The following ZDHHC11 variants were observed in gnomAD, a reference collection of about 807,000 sequenced individuals.
The protein encoded by ZDHHC11 is zDHHC palmitoyltransferase 11, also known as palmitoyltransferase ZDHHC11.
ZDHHC11 carries 44 observed loss-of-function variants against 51.3 expected under a neutral mutation model. The ratio of observed to expected loss-of-function variants is 0.86; its 90% CI spans 0.67 to 1.10. The LOEUF (loss-of-function observed/expected upper bound fraction) is 1.10, where lower values mean the gene tolerates loss of function less well. ZDHHC11 is among the 50% of genes least tolerant of loss of function. The probability of loss-of-function intolerance (pLI) is 0.00; values close to 1 mark genes in which losing one functional copy is unlikely to be tolerated. For missense variants in ZDHHC11, 400 were observed against 537.7 expected (o/e 0.74, Z 2.53); for synonymous variants, 163 against 222.0 (o/e 0.73, Z 2.36).
chr5:817,587 G>C (rs1330679420), intron 10 of ZDHHC11, among the ~76,000 whole-genome samples: 1 of 151,102 alleles, frequency 6.6e-6, no homozygotes, highest in South Asian at 2.1e-4. Flanking sequence ...TGTATATTTA[G>C]TATTAAAAAA....
chr5:815,218 A>T lies in ZDHHC11; in HGVS notation c.1147-423T>A, dbSNP rs141988090. Among the ~76,000 whole-genome samples, 604 of 151,640 alleles carry T rather than the reference A, an allele frequency of 4.0e-3. 15 individuals carry two copies. The highest frequency in any genetic ancestry group is 0.014 in the African/African-American group (590 of 41,398). Reference sequence around the variant, plus strand: ...ACAGGTGGCCATCTACAAGGCAAGGAGAGAGGCCTTGGGAGACACCAACCC... The same window carrying T: ...ACAGGTGGCCATCTACAAGGCAAGGTGAGAGGCCTTGGGAGACACCAACCC... On this transcript the variant is annotated intron_variant, in intron 10 of 12. Coordinates refer to ENST00000283441, the MANE Select transcript of ZDHHC11 (RefSeq NM_024786.3).
intron 3 of ZDHHC11, among the ~76,000 whole-genome samples, chr5:844,674 T>C (rs1358271367): frequency 1.4e-4 from 22 of 152,284 alleles, no homozygotes; most frequent in African/African-American, 5.1e-4. Context: ...GGGACCTGGA[T>C]CTCTGCACCC....
rs1747023135 is a variant in ZDHHC11, at chr5:850,490, A to G, written c.113T>C (p.Leu38Pro). The change falls in exon 1 of 13, where the codon CTG becomes CCG. Residue 38 changes from leucine to proline, a missense_variant. By Grantham distance (98) the Leu-to-Pro change is moderately conservative. Coordinates refer to ENST00000283441, the MANE Select transcript of ZDHHC11 (RefSeq NM_024786.3). ...ISRVNGWSLP[L>P]HYFQVVTWAV... is the part of the protein sequence containing the mutation. ...CCAGGTCACCACCTGGAAGTAGTGCAGGGGTAACGACCAGCCGTTCACTCT... is the reference window on the plus strand; with the variant it reads ...CCAGGTCACCACCTGGAAGTAGTGCGGGGGTAACGACCAGCCGTTCACTCT... 6.2e-7 allele frequency: 1 copy of G among 1,613,710 alleles called. No individual in the cohort carries two copies. The highest frequency in any genetic ancestry group is 2.2e-5 in the East Asian group (1 of 44,888).
Position 833,889 on chromosome 5 carries a change from T to C in ZDHHC11, c.901-82A>G. Reference sequence around the variant, plus strand: ...ATTCTTACATAAAAGTGACGTCTATTATTCCTGGGTTTTGAGGAATGGTAC... The same window carrying C: ...ATTCTTACATAAAAGTGACGTCTATCATTCCTGGGTTTTGAGGAATGGTAC... On this transcript the variant is annotated intron_variant, in intron 6 of 12. Coordinates refer to ENST00000283441, the MANE Select transcript of ZDHHC11 (RefSeq NM_024786.3). 3 of 1,560,320 alleles carry C rather than the reference T, an allele frequency of 1.9e-6. No individual in the cohort carries two copies. In the South Asian group the frequency reaches 3.4e-5, roughly 18 times the overall value.
chr5:823,282 A>G (rs1741800697), intron 8 of ZDHHC11: 1 of 149,816 alleles, frequency 6.7e-6, no homozygotes, highest in Non-Finnish European at 1.5e-5. Flanking sequence ...TGGATTGTGC[A>G]CTGCTTTCTA....
At chr5:818,655 TCCAAACCA>T (rs1430659835) in intron 10 of ZDHHC11, among the ~76,000 whole-genome samples, 1 of 151,486 alleles carries the variant, frequency 6.6e-6, no homozygotes, top group Non-Finnish European at 1.5e-5. Flanking sequence ...GACCAGAAGT[TCCAAACCA>T]GCACGGGCAA....
At chr5:816,436 C>G (rs1243521061) in intron 10 of ZDHHC11, 1 of 453,894 alleles carries the variant, frequency 2.2e-6, no homozygotes, top group Non-Finnish European at 4.4e-6. Flanking sequence ...CAGGCAGTGG[C>G]CGTAGCGGCA....
rs1010982626 is a variant in ZDHHC11 at position 828,346 on chromosome 5, G to T, written c.936-3095C>A. Among the ~76,000 whole-genome samples, 12 of 150,878 alleles carry T rather than the reference G, an allele frequency of 8.0e-5. 1 individual carries two copies. Among genetic ancestry groups the T allele is most frequent in the African/African-American group, 2.7e-4 (11 of 40,916 alleles). On this transcript the variant is annotated intron_variant, in intron 7 of 12. Coordinates refer to ENST00000283441, the MANE Select transcript of ZDHHC11 (RefSeq NM_024786.3). ...AGGCACCCCCCACCTCCCAGATGCG[G>T]CAGCTGGCCGGGTGGAGGTGCCCCC...
In ZDHHC11 at chr5:850,269, G is replaced by A. The variant is rs1434355835; in HGVS notation, c.222+112C>T. On this transcript the variant is annotated intron_variant, in intron 1 of 12. Transcript: ENST00000283441. Reference sequence around the variant, plus strand: ...GCTCAGGGGACATAGTCTGGCCCAGGGCAGGTGACTGGTGCCACCGGGCAG... The same window carrying A: ...GCTCAGGGGACATAGTCTGGCCCAGAGCAGGTGACTGGTGCCACCGGGCAG... The A allele has an allele frequency of 1.4e-5, 17 of 1,237,772 alleles. 1 individual carries two copies. In the East Asian group the frequency reaches 3.6e-4, roughly 26 times the overall value. The allele number at this position is 1,237,772 out of a possible 1,614,324, so 76.7% of individuals were successfully genotyped here.
rs746998444 is a variant in ZDHHC11, at chr5:814,797, T to G, written c.1147-2A>C. 2 of 1,536,754 alleles carry G rather than the reference T, an allele frequency of 1.3e-6. No homozygotes were observed. Among genetic ancestry groups the G allele is most frequent in the Non-Finnish European group, 1.8e-6 (2 of 1,141,892 alleles). ...TATACTCGGGGCATCATCTGCTTCCTGTGGGGGGAAGGGATGCAAAATTCA... is the reference window on the plus strand; with the variant it reads ...TATACTCGGGGCATCATCTGCTTCCGGTGGGGGGAAGGGATGCAAAATTCA... On this transcript the variant is annotated splice_acceptor_variant, in intron 10 of 12. Coordinates refer to ENST00000283441, the MANE Select transcript of ZDHHC11 (RefSeq NM_024786.3). LOFTEE classifies it high-confidence loss of function.
intron 6 of ZDHHC11, among the ~76,000 whole-genome samples, chr5:837,022 A>C: frequency 6.6e-6 from 1 of 151,224 alleles, no homozygotes; most frequent in South Asian, 2.1e-4. Flanking sequence ...TCACCACTTC[A>C]CTCCACCCTG....
intron 11 of ZDHHC11, among the ~76,000 whole-genome samples, chr5:803,007 C>T (rs138495038): frequency 0.024 from 3,560 of 146,748 alleles, 178 homozygotes; most frequent in Middle Eastern, 0.045. Flanking sequence ...GGCGACAGAG[C>T]GAGACTCTAT....
Position 821,936 on chromosome 5 carries a change from T to C in ZDHHC11, c.1024-41A>G, listed in dbSNP as rs201338987. 842 of 1,559,172 alleles carry C rather than the reference T, an allele frequency of 5.4e-4. 23 individuals are homozygous for C. Among genetic ancestry groups the C allele is most frequent in the African/African-American group, 1.9e-4 (14 of 73,996 alleles). ...GCAAAATTCATAGAATGAATTGACA[T>C]TGAACTTATTCTTAAAAAAAATTCA... On this transcript the variant is annotated intron_variant, in intron 8 of 12. Coordinates refer to ENST00000283441, the MANE Select transcript of ZDHHC11 (RefSeq NM_024786.3).
Position 850,817 on chromosome 5 carries a change from T to C in ZDHHC11, c.-215A>G, listed in dbSNP as rs531135514. The C allele has an allele frequency of 1.6e-6, 1 of 631,532 alleles. No homozygotes were observed. Among genetic ancestry groups the C allele is most frequent in the Non-Finnish European group, 2.7e-6 (1 of 368,812 alleles). 39.1% of individuals were successfully genotyped at this position (631,532 alleles called of 1,614,324 possible). ...CCCCGCCCAGGGGAATGAACAGACA[T>C]GCTGCAGAATGTGACCCCGGCCAGA... On this transcript the variant is annotated 5_prime_UTR_variant, in exon 1 of 13. The change abolishes an upstream ATG in the 5' untranslated region. Coordinates refer to ENST00000283441, the MANE Select transcript of ZDHHC11 (RefSeq NM_024786.3).
chr5:850,105 G>A (rs1466717655), intron 1 of ZDHHC11, among the ~76,000 whole-genome samples: 2 of 152,256 alleles, frequency 1.3e-5, no homozygotes, highest in Non-Finnish European at 1.5e-5. Flanking sequence ...TGCCAGCAGG[G>A]CGGGTCCTGC....
intron 1 of ZDHHC11, among the ~76,000 whole-genome samples, chr5:857,449 C>G (rs1748411211): frequency 2.0e-5 from 3 of 152,214 alleles, no homozygotes; most frequent in African/African-American, 7.2e-5. Flanking sequence ...CCTCCTCAGT[C>G]TTTCCTGTTT....
upstream of ZDHHC11, among the ~76,000 whole-genome samples, chr5:860,474 A>C (rs568147646): frequency 1.2e-4 from 19 of 152,306 alleles, no homozygotes; most frequent in African/African-American, 4.3e-4. This position sits in a 1 kb window ranked among gnomAD's most constrained non-coding sequence, Gnocchi z 4.2. Flanking sequence ...ACCCTCAAAC[A>C]CACCTGCACA....
intron 11 of ZDHHC11, among the ~76,000 whole-genome samples, chr5:809,018 C>CAG (rs1739726973): frequency 2.9e-5 from 4 of 139,746 alleles, no homozygotes; most frequent in Non-Finnish European, 4.7e-5. Context: ...CACACACGCA[C>CAG]ACTATTTATT....
At chr5:805,024 A>T (rs1458093776) in intron 11 of ZDHHC11, among the ~76,000 whole-genome samples, 4 of 151,426 alleles carry the variant, frequency 2.6e-5, no homozygotes, top group African/African-American at 2.4e-5. Flanking sequence ...AGTCAAATGC[A>T]TATTACAATA....
Sources: gnomAD v4.1 joint callset for allele counts (sites outside exome capture counted in the v4.1 genomes callset) on GRCh38, gnomAD v4.1.1 for gene constraint, Gnocchi (gnomAD v3.1) non-coding constraint, MANE v1.5 for transcripts, NCBI Gene and HGNC (gene_info 2026-07-23, HGNC 2026-07-21) for gene names.